The following ITGB1 variants were observed in gnomAD, a reference collection of about 807,000 sequenced individuals.
ITGB1 encodes the protein integrin beta-1.
A neutral mutation model predicts 86.5 loss-of-function variants in ITGB1; 24 were observed. The observed-to-expected ratio is 0.28, with a 90% CI of 0.20 to 0.39. ITGB1 has a LOEUF of 0.39. Ranked by LOEUF, ITGB1 falls within the 10% of genes least tolerant of loss-of-function variation. The pLI is 1.00. For missense variants in ITGB1, 556 were observed against 946.9 expected (o/e 0.59, Z 5.42); for synonymous variants, 323 against 316.8 (o/e 1.02, Z -0.21).
In ITGB1 at chr10:32,911,649, C is replaced by T. The variant is rs201856355; in HGVS notation, c.1730G>A (p.Arg577His). The T allele has an allele frequency of 1.7e-5, 27 of 1,613,996 alleles. No homozygotes were observed. Among genetic ancestry groups the T allele is most frequent in the East Asian group, 4.5e-5 (2 of 44,898 alleles). ...ICGGNGVCKC[R>H]VCECNPNYTG... ...GTAGTTGGGGTTGCACTCACACACA[C>T]GACACTTGCAAACACCATTTCCTGC... Residue 577 changes from arginine (R) to histidine (H), a missense_variant, in exon 13 of 16, where the codon CGT becomes CAT. Physicochemically the swap from Arg to His is conservative, Grantham distance 29. Around this residue, in one of 4 missense-constraint regions of ITGB1, gnomAD observed 330 missense variants for 531.5 expected, o/e 0.62. Transcript: ENST00000302278.
intron 3 of ITGB1, among the ~76,000 whole-genome samples, chr10:32,931,020 C>A (rs1326460487): frequency 6.6e-6 from 1 of 151,968 alleles, no homozygotes; most frequent in African/African-American, 2.4e-5. Context: ...TATAAAGTAA[C>A]AGTAAGTGAA....
chr10:32,932,720 TA>T (rs1235007828), intron 2 of ITGB1, 120 bp from the exon 3 acceptor site: 2 of 623,744 alleles, frequency 3.2e-6, no homozygotes, highest in African/African-American at 3.7e-5. Context: ...ATGACCTAGT[TA>T]CCATCTAAAC....
intron 11 of ITGB1, among the ~76,000 whole-genome samples, chr10:32,918,579 G>A (rs1463773950): frequency 6.6e-6 from 1 of 152,066 alleles, no homozygotes; most frequent in Non-Finnish European, 1.5e-5. Flanking sequence ...TGGAATATAT[G>A]CAAGAGTCTA....
At chr10:32,920,582 T>C (rs996015461) in intron 9 of ITGB1, among the ~76,000 whole-genome samples, 197 bp from the exon 10 acceptor site, 2 of 152,054 alleles carry the variant, frequency 1.3e-5, no homozygotes, top group Admixed American at 6.6e-5. Context: ...TAAAATAAAA[T>C]ACACAATTGA....
chr10:32,902,128 G>C (rs910888725), intron 15 of ITGB1, among the ~76,000 whole-genome samples: 4 of 152,152 alleles, frequency 2.6e-5, no homozygotes, highest in Non-Finnish European at 5.9e-5. Flanking sequence ...CTAATTTAGA[G>C]AGTAAGGCTG....
At chr10:32,903,351 C>CAAAAAAAAAAAA (rs35559257) in intron 15 of ITGB1, among the ~76,000 whole-genome samples, 1 of 57,040 alleles carries the variant, frequency 1.8e-5, no homozygotes, top group Non-Finnish European at 3.1e-5. Flanking sequence ...GACTCCATCT[C>CAAAAAAAAAAAA]AAAAAAAAAA....
At chr10:32,904,414 T>C (rs1378589952) in intron 15 of ITGB1, among the ~76,000 whole-genome samples, 1 of 152,160 alleles carries the variant, frequency 6.6e-6, no homozygotes, top group Non-Finnish European at 1.5e-5. Flanking sequence ...CTACAATGTA[T>C]TAAATACATA....
intron 1 of ITGB1, among the ~76,000 whole-genome samples, chr10:32,943,513 T>C (rs1016712240): frequency 6.6e-6 from 1 of 151,940 alleles, no homozygotes; most frequent in African/African-American, 2.4e-5. Context: ...GGTGCAGTGC[T>C]ACCAAAAAGT....
rs372581400 is a variant in ITGB1 at position 32,919,808 on chromosome 10, G to C, written c.1469+77C>G. 7.1e-4 allele frequency: 896 copies of C among 1,269,600 alleles called. 3 individuals carry two copies. Among genetic ancestry groups the C allele is most frequent in the African/African-American group, 6.0e-3 (412 of 68,100 alleles). The allele number at this position is 1,269,600 out of a possible 1,614,324, so 78.6% of individuals were successfully genotyped here. ...TGCTCCAAATAGAGAGATATTCTCT[G>C]GATGTCCCAAAATATGACCTGCCTA... On this transcript the variant is annotated intron_variant, in intron 11 of 15. Coordinates refer to ENST00000302278, the MANE Select transcript of ITGB1 (RefSeq NM_002211.4).
At chr10:32,920,456 TA>T in intron 9 of ITGB1, 71 bp from the exon 10 acceptor site, 1 of 1,354,836 alleles carries the variant, frequency 7.4e-7, no homozygotes, top group Admixed American at 2.0e-5. Flanking sequence ...AACCAATGGA[TA>T]AACTGCTCAG....
At chr10:32,947,951 G>A (rs895470714) in intron 1 of ITGB1, among the ~76,000 whole-genome samples, 2 of 151,552 alleles carry the variant, frequency 1.3e-5, no homozygotes, top group Non-Finnish European at 2.9e-5. Context: ...ATTACCAAAT[G>A]TTACAGGAAG....
chr10:32,923,215 G>C (rs1031340166), intron 7 of ITGB1, among the ~76,000 whole-genome samples: 1 of 152,164 alleles, frequency 6.6e-6, no homozygotes, highest in Non-Finnish European at 1.5e-5. Flanking sequence ...AATAAAGGCA[G>C]AGTGACTGCT....
chr10:32,937,883 T>C (rs946898493), intron 1 of ITGB1, among the ~76,000 whole-genome samples: 1 of 152,234 alleles, frequency 6.6e-6, no homozygotes, highest in Non-Finnish European at 1.5e-5. Context: ...TAACACTGAA[T>C]ATTTCTTTTA....
chr10:32,919,768 T>A, intron 11 of ITGB1, 117 bp downstream of exon 11: 1 of 820,208 alleles, frequency 1.2e-6, no homozygotes, highest in Non-Finnish European at 2.0e-6. Context: ...GCAACCGTGG[T>A]TGGAAAAAAT....
intron 1 of ITGB1, among the ~76,000 whole-genome samples, chr10:32,948,476 T>C (rs1330477854): frequency 6.6e-6 from 1 of 151,588 alleles, no homozygotes; most frequent in Non-Finnish European, 1.5e-5. Context: ...CAAACAGAAA[T>C]AAGGAGGAAG....
At chr10:32,909,263 T>G (rs2137164975) in intron 14 of ITGB1, among the ~76,000 whole-genome samples, 1 of 152,286 alleles carries the variant, frequency 6.6e-6, no homozygotes, top group East Asian at 1.9e-4. Context: ...GACAGTCTTT[T>G]TTCAACAAAT....
intron 1 of ITGB1, among the ~76,000 whole-genome samples, chr10:32,954,171 A>G (rs1007220151): frequency 5.3e-5 from 8 of 151,948 alleles, no homozygotes; most frequent in African/African-American, 1.7e-4. Context: ...TGTGTATTCA[A>G]CTGCAATTTA....
intron 1 of ITGB1, chr10:32,944,989 T>C (rs2095027838): frequency 1.2e-6 from 1 of 856,194 alleles, no homozygotes; most frequent in Non-Finnish European, 1.9e-6. Flanking sequence ...GCCAGAAAGC[T>C]GCCATTACTC....
At position 32,920,289 on chromosome 10, in the gene ITGB1, C is replaced by T. The variant is rs763951778; in HGVS notation, c.1225G>A (p.Gly409Arg). ...SYCKNGVNGT[G>R]ENGRKCSNIS... ...TTGGAACATTTTCTTCCATTTTCCC[C>T]TGTTCCATTCACCCCGTTCTTGCAG... is the stretch of plus-strand genomic sequence containing the variant. The change falls in exon 10 of 16, where the codon GGG (glycine) becomes AGG (arginine). Residue 409 changes from glycine to arginine, a missense_variant. Around this residue, in one of 4 missense-constraint regions of ITGB1, gnomAD observed 330 missense variants for 531.5 expected, o/e 0.62. Transcript: ENST00000302278. 2.5e-6 allele frequency: 4 copies of T among 1,613,474 alleles called. No homozygotes were observed. The South Asian group carries it at 4.4e-5, about 18-fold the overall frequency.
Sources: gnomAD v4.1 joint callset for allele counts (sites outside exome capture counted in the v4.1 genomes callset) on GRCh38, gnomAD v4.1.1 for gene constraint, gnomAD v4.1.1 regional missense constraint, MANE v1.5 for transcripts, NCBI Gene and HGNC (gene_info 2026-07-23, HGNC 2026-07-21) for gene names.